The following FAM9B variants were observed in gnomAD, a reference collection of about 807,000 sequenced individuals.
FAM9B encodes family with sequence similarity 9 member B.
In FAM9B, 18 loss-of-function variants were observed where a neutral mutation model predicts 16.6. The ratio of observed to expected loss-of-function variants is 1.09; its 90% CI spans 0.75 to 1.61. The LOEUF (loss-of-function observed/expected upper bound fraction) is 1.61. Among genes scored for constraint, FAM9B ranks in the 40% most tolerant of loss-of-function variants. FAM9B has a pLI of 0.00. For missense variants in FAM9B, 155 were observed against 136.0 expected, an observed-to-expected ratio of 1.14 and a Z score of -0.70; for synonymous variants, 43 against 42.6, an observed-to-expected ratio of 1.01 and a Z score of -0.03.
In FAM9B at chrX:9,033,962, C is replaced by G. The variant is rs1323621633; in HGVS notation, c.-200G>C. 4 of 723,722 alleles carry G rather than the reference C, an allele frequency of 5.5e-6. No homozygotes were observed. The African/African-American group carries it at 9.4e-5, about 17-fold the overall frequency. The allele number at this position is 723,722 out of a possible 1,213,427, so 59.6% of individuals were successfully genotyped here. A position where few individuals can be genotyped will look rare whatever the true frequency, so the allele number is the denominator to read the frequency against. On this transcript the variant is annotated 5_prime_UTR_variant, in exon 1 of 9. Transcript: ENST00000327220. Reference sequence around the variant, plus strand: ...AGCTGAGGCAGGAGAATTGCTTGAACCCAGGAGGCGGAGGTTGCAGTGAGC... The same window carrying G: ...AGCTGAGGCAGGAGAATTGCTTGAAGCCAGGAGGCGGAGGTTGCAGTGAGC...
chrX:9,028,185 C>A (rs1920985828), intron 6 of FAM9B, among the ~76,000 whole-genome samples: 1 of 111,861 alleles, frequency 8.9e-6, no homozygotes, highest in Non-Finnish European at 1.9e-5. Context: ...AAAGAATTTT[C>A]TTACTTTTAC....
At chrX:9,026,088 T>C (rs1436104956) in intron 7 of FAM9B, among the ~76,000 whole-genome samples, 1 of 111,502 alleles carries the variant, frequency 9.0e-6, no homozygotes, top group Admixed American at 9.6e-5. Flanking sequence ...TAAAATGTTG[T>C]AGGTTAATGC....
chrX:9,029,528 G>A, intron 5 of FAM9B, 110 bp from the exon 6 acceptor site: 1 of 461,750 alleles, frequency 2.2e-6, no homozygotes, highest in East Asian at 3.8e-5. Context: ...TAGCAAGGGA[G>A]TAATAGCAGC....
Position 9,033,063 on chromosome X carries a change from G to T in FAM9B, c.-77C>A. 1 of 1,210,739 alleles carries T rather than the reference G, an allele frequency of 8.3e-7. No individual in the cohort carries two copies. The highest frequency in any genetic ancestry group is 1.1e-6 in the Non-Finnish European group (1 of 894,841). ...GGCTGGTTGTCCTGGGAAGCTAGAGGCGATCCCCGAACCTGGTGAGCGCAA... is the reference window on the plus strand; with the variant it reads ...GGCTGGTTGTCCTGGGAAGCTAGAGTCGATCCCCGAACCTGGTGAGCGCAA... On this transcript the variant is annotated 5_prime_UTR_variant, in exon 2 of 9. Transcript: ENST00000327220.
At position 9,024,640 on chromosome X, in the gene FAM9B, T is replaced by A. The variant is rs1199160553; in HGVS notation, c.*769A>T. On this transcript the variant is annotated 3_prime_UTR_variant, in exon 9 of 9. Transcript: ENST00000327220. ...CATTGGAATTGCCTCTTTATCCTAA[T>A]GAGTAAATACAAAAGAACGCACAGA... 1 of 112,075 alleles carries A rather than the reference T, an allele frequency of 8.9e-6. No individual in the cohort carries two copies. The highest frequency in any genetic ancestry group is 1.9e-5 in the Non-Finnish European group (1 of 53,236). The allele number at this position is 112,075 out of a possible 1,213,427, so 9.2% of individuals were successfully genotyped here. A position where few individuals can be genotyped will look rare whatever the true frequency, so the allele number is the denominator to read the frequency against.
intron 5 of FAM9B, 82 bp from the exon 6 acceptor site, chrX:9,029,500 A>G (rs1921008838): frequency 1.3e-5 from 8 of 627,143 alleles, no homozygotes; most frequent in Non-Finnish European, 2.0e-5. Flanking sequence ...CTGACTTGAC[A>G]TAATTTATAC....
chrX:9,033,841 G>A lies in FAM9B; in HGVS notation c.-90+11C>T, dbSNP rs563559473. On this transcript the variant is annotated intron_variant, in intron 1 of 8. Coordinates refer to ENST00000327220, the MANE Select transcript of FAM9B (RefSeq NM_205849.3). ...GCCTGCGTTCCCGCCTCCCCACCAC[G>A]AGTGCTTCACCTGAGGGACCCCTGA... is the stretch of plus-strand genomic sequence containing the variant. The A allele has an allele frequency of 5.3e-6, 4 of 752,996 alleles. No individual in the cohort carries two copies. Among genetic ancestry groups the A allele is most frequent in the South Asian group, 6.8e-5 (1 of 14,763 alleles). The allele number at this position is 752,996 out of a possible 1,213,427, so 62.1% of individuals were successfully genotyped here. A position where few individuals can be genotyped will look rare whatever the true frequency, so the allele number is the denominator to read the frequency against.
chrX:9,025,942 C>A (rs139005009), intron 7 of FAM9B, among the ~76,000 whole-genome samples: 258 of 111,071 alleles, frequency 2.3e-3, no homozygotes, highest in Non-Finnish European at 4.0e-3. Context: ...GTATTATCAG[C>A]AATAGCCTAC....
At chrX:9,030,222 G>T in intron 5 of FAM9B, 39 bp downstream of exon 5, 1 of 1,166,351 alleles carries the variant, frequency 8.6e-7, no homozygotes, top group South Asian at 1.9e-5. Context: ...ACAAAGAAAT[G>T]ATATAAATAT....
intron 3 of FAM9B, 39 bp from the exon 4 acceptor site, chrX:9,032,200 A>C: frequency 8.3e-7 from 1 of 1,198,974 alleles, no homozygotes; most frequent in Non-Finnish European, 1.1e-6. Flanking sequence ...ACAAAATACT[A>C]CACAAAATGC....
At chrX:9,032,776 G>C in intron 2 of FAM9B, 183 bp downstream of exon 2, 1 of 645,847 alleles carries the variant, frequency 1.5e-6, no homozygotes, top group Non-Finnish European at 2.3e-6. Context: ...GCCTTCCACG[G>C]GGAAGCCTAA....
At chrX:9,028,313 C>A (rs1203207664) in intron 6 of FAM9B, among the ~76,000 whole-genome samples, 2 of 111,474 alleles carry the variant, frequency 1.8e-5, no homozygotes, top group East Asian at 2.8e-4. Context: ...AAGAAAAATT[C>A]TTTCTAAGAT....
chrX:9,030,359 C>A lies in FAM9B; in HGVS notation c.183G>T (p.Glu61Asp). The change falls in exon 5 of 9, where the codon GAG becomes GAT. Residue 61 changes from glutamate to aspartate, a missense_variant and splice_region_variant. By Grantham distance (45) the Glu-to-Asp change is conservative. Transcript: ENST00000327220. ...ANTKKPEDTA[E>D]DLTAKRKRMK... ...TCCTTTTTCTTTTTGCAGTAAGATC[C>A]TCTTTAATGTCAGTTAGATAGTAAA... The A allele has an allele frequency of 8.5e-7, 1 of 1,177,653 alleles. No individual in the cohort carries two copies. Among genetic ancestry groups the A allele is most frequent in the Non-Finnish European group, 1.1e-6 (1 of 873,391 alleles).
chrX:9,033,547 T>A (rs1364209248), intron 1 of FAM9B, among the ~76,000 whole-genome samples: 10 of 98,354 alleles, frequency 1.0e-4, no homozygotes, highest in African/African-American at 3.0e-4. Context: ...CCACTCAGAC[T>A]GTCCCCCACA....
At chrX:9,030,513 G>T in intron 4 of FAM9B, 153 bp from the exon 5 acceptor site, 1 of 386,746 alleles carries the variant, frequency 2.6e-6, no homozygotes. Flanking sequence ...ATTTCAAAAA[G>T]CAAGATTTAC....
intron 5 of FAM9B, 144 bp downstream of exon 5, chrX:9,030,117 C>T (rs770325290): frequency 1.9e-5 from 21 of 1,093,366 alleles, no homozygotes; most frequent in Non-Finnish European, 2.5e-5. Flanking sequence ...ACTAAAGAAA[C>T]TTACCTACTT....
chrX:9,032,840 C>A, intron 2 of FAM9B, 119 bp downstream of exon 2: 1 of 1,029,271 alleles, frequency 9.7e-7, no homozygotes, highest in South Asian at 2.2e-5. Flanking sequence ...GCACAATGGA[C>A]TCCAGAGCCA....
chrX:9,032,766 G>T, intron 2 of FAM9B, 193 bp downstream of exon 2: 1 of 602,356 alleles, frequency 1.7e-6, no homozygotes, highest in Non-Finnish European at 2.5e-6. Flanking sequence ...ATGAGGGGGA[G>T]CCTTCCACGG....
In FAM9B at chrX:9,030,266, A is replaced by C. The variant is rs145983178; in HGVS notation, c.276T>G (p.Leu92=). 28 of 1,195,570 alleles carry C rather than the reference A, an allele frequency of 2.3e-5. No individual in the cohort carries two copies. The highest frequency in any genetic ancestry group is 2.3e-4 in the Middle Eastern group (1 of 4,314). The part of the protein sequence containing the change: ...KSKHALRKKQ[L]KRQKRDYIHS... ...AAAAAAGCCAACAGTCATACCTTTT[A>C]AGTTGCTTTTTTCTCAAAGCATGTT... The change falls in exon 5 of 9, where the codon CTT becomes CTG. Residue 92 remains leucine (L), a synonymous_variant. Coordinates refer to ENST00000327220, the MANE Select transcript of FAM9B (RefSeq NM_205849.3).
Sources: gnomAD v4.1 joint callset for allele counts (sites outside exome capture counted in the v4.1 genomes callset) on GRCh38, gnomAD v4.1.1 for gene constraint, MANE v1.5 for transcripts, NCBI Gene and HGNC (gene_info 2026-07-23, HGNC 2026-07-21) for gene names.